The following SIPA1L3 variants were observed in gnomAD, a reference collection of about 807,000 sequenced individuals.
The protein encoded by SIPA1L3 is signal induced proliferation associated 1 like 3.
A neutral mutation model predicts 150.1 loss-of-function variants in SIPA1L3; 59 were observed. That is an observed-to-expected ratio of 0.39 (90% CI 0.32 to 0.49). SIPA1L3 has a LOEUF of 0.49. SIPA1L3 is among the 20% of genes least tolerant of loss of function. SIPA1L3 has a pLI of 0.86. For missense variants in SIPA1L3, 2,211 were observed against 2,489.5 expected (o/e 0.89, Z 2.38); for synonymous variants, 1,070 against 1,077.6 (o/e 0.99, Z 0.14).
At chr19:38,205,967 G>A (rs1271136077) in intron 21 of SIPA1L3, 130 bp from the exon 22 acceptor site, 9 of 1,081,518 alleles carry the variant, frequency 8.3e-6, no homozygotes, top group South Asian at 1.8e-5. Context: ...TGTGTGCCCC[G>A]GCCTGGCCTG....
intron 1 of SIPA1L3, among the ~76,000 whole-genome samples, chr19:38,012,835 T>C (rs1599903169): frequency 6.6e-6 from 1 of 152,190 alleles, no homozygotes; most frequent in African/African-American, 2.4e-5. Flanking sequence ...GGCCTTTGGT[T>C]CTGGGCCAGC....
At chr19:38,176,190 T>C (rs1438113182) in intron 15 of SIPA1L3, among the ~76,000 whole-genome samples, 1 of 148,936 alleles carries the variant, frequency 6.7e-6, no homozygotes, top group Non-Finnish European at 1.5e-5. Context: ...TTTTTTTTTT[T>C]CAAGTACAGA....
intron 12 of SIPA1L3, among the ~76,000 whole-genome samples, chr19:38,143,739 A>G (rs1445293795): frequency 2.0e-5 from 3 of 151,804 alleles, no homozygotes; most frequent in African/African-American, 7.3e-5. Context: ...GATTTTCACC[A>G]TGCTGGCCAG....
intron 1 of SIPA1L3, among the ~76,000 whole-genome samples, chr19:38,017,537 T>TC (rs59775277): frequency 1.3e-5 from 2 of 148,584 alleles, no homozygotes; most frequent in Admixed American, 1.4e-4. Flanking sequence ...TTTTTTTTTT[T>TC]CTTTTGAGAC....
intron 1 of SIPA1L3, among the ~76,000 whole-genome samples, chr19:37,962,266 C>T (rs2046865286): frequency 6.6e-6 from 1 of 151,730 alleles, no homozygotes; most frequent in Admixed American, 6.6e-5. Context: ...GCCTCAGCCT[C>T]CCGAGTAGCT....
At chr19:38,059,017 C>G (rs1223415583) in intron 2 of SIPA1L3, among the ~76,000 whole-genome samples, 1 of 142,526 alleles carries the variant, frequency 7.0e-6, no homozygotes, top group Non-Finnish European at 1.5e-5. Flanking sequence ...AAGAGTGAAA[C>G]TCTGTCTCAA....
At chr19:38,000,476 C>CAAAA (rs931671031) in intron 1 of SIPA1L3, among the ~76,000 whole-genome samples, 7 of 44,016 alleles carry the variant, frequency 1.6e-4, no homozygotes, top group South Asian at 7.5e-4. Context: ...GACTCTGTCT[C>CAAAA]AAAAAAAAAA....
chr19:38,085,916 A>G (rs906567120), intron 3 of SIPA1L3, among the ~76,000 whole-genome samples: 1 of 152,136 alleles, frequency 6.6e-6, no homozygotes, highest in Non-Finnish European at 1.5e-5. Context: ...GAATCGCTTG[A>G]AGCTGGAAGG....
At chr19:38,057,125 G>A (rs1417979427) in intron 2 of SIPA1L3, among the ~76,000 whole-genome samples, 2 of 152,002 alleles carry the variant, frequency 1.3e-5, no homozygotes, top group Non-Finnish European at 2.9e-5. Flanking sequence ...ACAAAAATTA[G>A]TCAGGCATGG....
chr19:38,047,098 G>A lies in SIPA1L3; in HGVS notation c.-311+17942G>A, dbSNP rs1355562043. ...CAGTTTTACACATGAGGAAACTGAG[G>A]CACGGATAAGTTGGGTTGTTTGCGT... is the stretch of plus-strand genomic sequence containing the variant. On this transcript the variant is annotated intron_variant, in intron 2 of 21. Transcript: ENST00000222345. This position sits in a 1 kb window ranked among gnomAD's most constrained non-coding sequence, Gnocchi z 4.7. Among the ~76,000 whole-genome samples, 6 of 152,194 alleles carry A rather than the reference G, an allele frequency of 3.9e-5. No individual in the cohort carries two copies. Among genetic ancestry groups the A allele is most frequent in the Admixed American group, 3.9e-4 (6 of 15,288 alleles).
At chr19:38,107,459 C>G (rs568053578) in intron 7 of SIPA1L3, among the ~76,000 whole-genome samples, 151 of 152,342 alleles carry the variant, frequency 9.9e-4, no homozygotes, top group African/African-American at 3.4e-3. Context: ...ACCAAACACT[C>G]ATTGCCAAGA....
At chr19:38,173,976 G>A (rs1972385509) in intron 15 of SIPA1L3, among the ~76,000 whole-genome samples, 1 of 151,904 alleles carries the variant, frequency 6.6e-6, no homozygotes, top group African/African-American at 2.4e-5. Context: ...GGGCAGATGG[G>A]GGGCCCTGTC....
chr19:38,129,665 A>G (rs965973764), intron 9 of SIPA1L3, among the ~76,000 whole-genome samples: 6 of 151,668 alleles, frequency 4.0e-5, no homozygotes, highest in African/African-American at 1.5e-4. Context: ...GTAAAAGAAT[A>G]TAATGTGAGT....
chr19:38,088,672 C>T (rs550837183), intron 3 of SIPA1L3, 49 bp from the exon 4 acceptor site: 1 of 1,597,294 alleles, frequency 6.3e-7, no homozygotes, highest in African/African-American at 1.3e-5. Flanking sequence ...CATCAGGGCC[C>T]CTCCTTCCCA....
In SIPA1L3 at chr19:38,164,971, C is replaced by T; in HGVS notation, c.4208+65C>T. ...ACTTCGCCAGTTCTACTTTTACGGT[C>T]CTGATGGTGGGGTTCTCCTCCCCAG... On this transcript the variant is annotated intron_variant, in intron 15 of 21. Transcript: ENST00000222345. This position sits in a 1 kb window ranked among gnomAD's most constrained non-coding sequence, Gnocchi z 4.1. The T allele has an allele frequency of 2.8e-6, 4 of 1,408,980 alleles. No homozygotes were observed. Among genetic ancestry groups the T allele is most frequent in the Non-Finnish European group, 2.8e-6 (3 of 1,061,804 alleles). 87.3% of individuals were successfully genotyped at this position (1,408,980 alleles called of 1,614,324 possible).
intron 1 of SIPA1L3, among the ~76,000 whole-genome samples, chr19:37,981,860 A>T (rs1264285941): frequency 6.6e-6 from 1 of 152,082 alleles, no homozygotes; most frequent in Non-Finnish European, 1.5e-5. Context: ...AAGTTACATG[A>T]CCACCCATAA....
intron 19 of SIPA1L3, among the ~76,000 whole-genome samples, chr19:38,201,527 C>G (rs1368269500): frequency 6.6e-6 from 1 of 152,216 alleles, no homozygotes; most frequent in African/African-American, 2.4e-5. Flanking sequence ...TGGACCAAGT[C>G]AAGTCACTTA....
intron 16 of SIPA1L3, among the ~76,000 whole-genome samples, chr19:38,186,440 G>T (rs1350208176): frequency 1.3e-5 from 2 of 151,916 alleles, no homozygotes; most frequent in African/African-American, 4.8e-5. Flanking sequence ...AGCCTACCAA[G>T]TAGCTGGGAC....
chr19:38,195,327 G>T (rs546449026), intron 18 of SIPA1L3, among the ~76,000 whole-genome samples: 1 of 152,310 alleles, frequency 6.6e-6, no homozygotes, highest in Admixed American at 6.5e-5. Context: ...GCCCTGGACT[G>T]GGTCCCAGCC....
Sources: gnomAD v4.1 joint callset for allele counts (sites outside exome capture counted in the v4.1 genomes callset) on GRCh38, gnomAD v4.1.1 for gene constraint, Gnocchi (gnomAD v3.1) non-coding constraint, MANE v1.5 for transcripts, NCBI Gene and HGNC (gene_info 2026-07-23, HGNC 2026-07-21) for gene names.